The following KCTD2 variants were observed in gnomAD, a reference collection of about 807,000 sequenced individuals.
The protein encoded by KCTD2 is potassium channel tetramerization domain containing 2, also known as BTB/POZ domain-containing protein KCTD2.
KCTD2 carries 18 observed loss-of-function variants against 27.9 expected under a neutral mutation model. The observed-to-expected ratio is 0.64, with a 90% CI of 0.45 to 0.96. The LOEUF is 0.96. KCTD2 is among the 40% of genes least tolerant of loss of function. The pLI is 0.00. For synonymous variants in KCTD2, 175 were observed against 148.4 expected, an observed-to-expected ratio of 1.18 and a Z score of -1.30; for missense variants, 280 against 348.0, an observed-to-expected ratio of 0.80 and a Z score of 1.56.
upstream of KCTD2, among the ~76,000 whole-genome samples, chr17:75,043,326 TC>T: frequency 6.6e-6 from 1 of 152,166 alleles, no homozygotes; most frequent in South Asian, 2.1e-4. Context: ...AGCCCAGCTC[TC>T]TTGGCCGGGC....
At chr17:75,042,687 G>C (rs561954059), upstream of KCTD2, 189 of 1,582,860 alleles carry the variant, frequency 1.2e-4, no homozygotes, top group Non-Finnish European at 1.5e-4. Context: ...TAAAAACAAG[G>C]CTTTTTTATG....
At chr17:75,041,862 C>T (rs890114770) in intron 3 of KCTD2, 7 of 224,744 alleles carry the variant, frequency 3.1e-5, no homozygotes, top group Non-Finnish European at 6.1e-5. Context: ...ATGGTGACCT[C>T]CCAGGAGCGG....
chr17:75,040,589 A>G (rs1017603336), intron 3 of KCTD2: 12 of 182,354 alleles, frequency 6.6e-5, no homozygotes, highest in African/African-American at 2.1e-4. Flanking sequence ...TCTCCTTAGA[A>G]GACTGCTTAG....
intron 2 of KCTD2, among the ~76,000 whole-genome samples, chr17:75,050,916 G>A (rs1298574442): frequency 6.6e-6 from 1 of 150,966 alleles, no homozygotes; most frequent in African/African-American, 2.4e-5. Flanking sequence ...GGCCTCACAT[G>A]CTCCTCCTGC....
At position 75,047,563 on chromosome 17, in the gene KCTD2, G is replaced by C. The variant is rs375158100; in HGVS notation, c.313G>C (p.Glu105Gln). The C allele has an allele frequency of 2.5e-6, 4 of 1,610,788 alleles. No homozygotes were observed. The South Asian group carries it at 3.3e-5, about 13-fold the overall frequency. ...KSFLCRLCCQ[E>Q]DPELDSDKDE... ...ATTTCTCTGCCGCCTCTGCTGCCAGGAGGACCCGGAGCTGGACTCAGACAA... is the reference window on the plus strand; with the variant it reads ...ATTTCTCTGCCGCCTCTGCTGCCAGCAGGACCCGGAGCTGGACTCAGACAA... The change falls in exon 1 of 6, where the codon GAG becomes CAG. Residue 105 changes from glutamate to glutamine, a missense_variant. Glu to Gln is a conservative substitution (Grantham distance 29). Coordinates refer to ENST00000322444, the MANE Select transcript of KCTD2 (RefSeq NM_015353.3).
Position 75,061,546 on chromosome 17 carries a change from A to G in KCTD2, c.637-574A>G, listed in dbSNP as rs190328659. 1.5e-3 allele frequency among the ~76,000 whole-genome samples: 230 copies of G among 152,280 alleles called. 1 individual carries two copies. Among genetic ancestry groups the G allele is most frequent in the African/African-American group, 5.1e-3 (213 of 41,538 alleles). ...GTCCCTGTAGTCCCAGCTACTCAGG[A>G]GGCTGACGTGGGAGGATCACTTGAG... On this transcript the variant is annotated intron_variant, in intron 4 of 5. Coordinates refer to ENST00000322444, the MANE Select transcript of KCTD2 (RefSeq NM_015353.3).
chr17:75,041,007 TTG>T (rs1330134548), intron 3 of KCTD2: 1 of 152,070 alleles, frequency 6.6e-6, no homozygotes, highest in African/African-American at 2.4e-5. Flanking sequence ...ATATTGAGAC[TTG>T]TGTAAATATC....
In KCTD2 at chr17:75,033,209, T is replaced by TC. The variant is rs560120280; in HGVS notation, c.-470+491dup. On this transcript the variant is annotated intron_variant, in intron 1 of 7. Transcript: ENST00000581589. ...GTTTTGAACTCCTGGGCTCAAGCAATCCCCCCACCTCACCCTCCCAAAGTG... is the reference window on the plus strand; with the variant it reads ...GTTTTGAACTCCTGGGCTCAAGCAATCCCCCCCACCTCACCCTCCCAAAGTG... 2.0e-4 allele frequency: 30 copies of TC among 152,152 alleles called. No homozygotes were observed. The East Asian group carries it at 4.6e-3, about 24-fold the overall frequency. The allele number at this position is 152,152 out of a possible 1,614,324, so 9.4% of individuals were successfully genotyped here. A position where few individuals can be genotyped will look rare whatever the true frequency, so the allele number is the denominator to read the frequency against.
chr17:75,038,849 A>G (rs1313648114), intron 3 of KCTD2: 27 of 1,439,800 alleles, frequency 1.9e-5, no homozygotes, highest in Non-Finnish European at 2.5e-5. Context: ...ACAGAGAAGA[A>G]GCACACCCAG....
At chr17:75,049,424 C>T (rs1598121377) in intron 2 of KCTD2, 96 bp downstream of exon 2, 1 of 760,378 alleles carries the variant, frequency 1.3e-6, no homozygotes, top group Non-Finnish European at 2.2e-6. Context: ...TTTCATCAGG[C>T]GCATGTGCAG....
rs148545284 is a variant in KCTD2 at position 75,063,412 on chromosome 17, G to A, written c.*365G>A. ...AATGGCCTGTACTTTAAGGACGCTG[G>A]AGCCAAGAGGATTGTTCCCGTGCCG... On this transcript the variant is annotated 3_prime_UTR_variant, in exon 6 of 6. Transcript: ENST00000322444. 7.6e-4 allele frequency: 213 copies of A among 280,334 alleles called. 1 individual carries two copies. In the East Asian group the frequency reaches 0.015, roughly 19 times the overall value. The allele number at this position is 280,334 out of a possible 1,614,324, so 17.4% of individuals were successfully genotyped here.
intron 4 of KCTD2, among the ~76,000 whole-genome samples, chr17:75,061,296 C>T (rs1258478045): frequency 6.6e-6 from 1 of 152,136 alleles, no homozygotes; most frequent in African/African-American, 2.4e-5. Flanking sequence ...TGCTCCCCTG[C>T]GTGTGTATTT....
Position 75,047,282 on chromosome 17 carries a change from C to A in KCTD2, c.32C>A (p.Ala11Glu). MAELQLDPAM[A>E]GLGGGGGSGV... Reference sequence around the variant, plus strand: ...GAACTGCAGCTGGACCCGGCGATGGCGGGGCTGGGAGGGGGCGGCGGGAGT... The same window carrying A: ...GAACTGCAGCTGGACCCGGCGATGGAGGGGCTGGGAGGGGGCGGCGGGAGT... The change falls in exon 1 of 6, where the codon GCG (alanine) becomes GAG (glutamate). Residue 11 changes from alanine (A) to glutamate (E), a missense_variant. Coordinates refer to ENST00000322444, the MANE Select transcript of KCTD2 (RefSeq NM_015353.3). 1 of 842,834 alleles carries A rather than the reference C, an allele frequency of 1.2e-6. No individual in the cohort carries two copies. Among genetic ancestry groups the A allele is most frequent in the Non-Finnish European group, 1.4e-6 (1 of 699,012 alleles). 52.2% of individuals were successfully genotyped at this position (842,834 alleles called of 1,614,324 possible). A position where few individuals can be genotyped will look rare whatever the true frequency, so the allele number is the denominator to read the frequency against.
intron 4 of KCTD2, among the ~76,000 whole-genome samples, chr17:75,061,642 C>T (rs1473350197): frequency 2.0e-5 from 3 of 152,004 alleles, no homozygotes; most frequent in Non-Finnish European, 4.4e-5. Flanking sequence ...AGAGCTAGAC[C>T]CTGTCTGGAA....
chr17:75,053,651 C>G (rs1373618138), intron 3 of KCTD2, among the ~76,000 whole-genome samples: 2 of 152,050 alleles, frequency 1.3e-5, no homozygotes, highest in Non-Finnish European at 2.9e-5. Flanking sequence ...CCATGTTGGT[C>G]AGGCTGGTCT....
chr17:75,062,797 A>G (rs1052806354), intron 5 of KCTD2, among the ~76,000 whole-genome samples: 2 of 150,978 alleles, frequency 1.3e-5, no homozygotes, highest in Non-Finnish European at 2.9e-5. Context: ...TTCAGTTGGC[A>G]AAGCTTTGGT....
Position 75,059,516 on chromosome 17 carries a change from G to A in KCTD2, c.547G>A (p.Val183Met), listed in dbSNP as rs763240856. The A allele has an allele frequency of 1.1e-5, 17 of 1,611,974 alleles. No individual in the cohort carries two copies. The South Asian group carries it at 1.2e-4, about 11-fold the overall frequency. Residue 183 changes from valine (V) to methionine (M), a missense_variant, in exon 4 of 6, where the codon GTG becomes ATG. By Grantham distance (21) the Val-to-Met change is conservative (BLOSUM62 1). Transcript: ENST00000322444. ...DNENRTSQGP[V>M]KHVYRVLQCQ... ...CTGCGCCTGGTCATTGCAGGGCCCC[G>A]TGAAGCACGTGTACAGAGTCCTGCA...
chr17:75,040,885 CA>C (rs34981433), intron 3 of KCTD2: 2,686 of 76,922 alleles, frequency 0.035, 28 homozygotes, highest in Non-Finnish European at 0.048. Context: ...GACTCCGTCT[CA>C]AAAAAAAAAA....
In KCTD2 at chr17:75,064,637, CA is replaced by C. The variant is rs2073438984; in HGVS notation, c.*1591del. On this transcript the variant is annotated 3_prime_UTR_variant, in exon 6 of 6. Transcript: ENST00000322444. ...GTAGCATAGCATAGAACCCGGTATA[CA>C]GGGGTTTCTGCTGACACATCAACGT... 1 of 152,230 alleles carries C rather than the reference CA, an allele frequency of 6.6e-6. No individual in the cohort carries two copies. The highest frequency in any genetic ancestry group is 2.4e-5 in the African/African-American group (1 of 41,450). The allele number at this position is 152,230 out of a possible 1,614,324, so 9.4% of individuals were successfully genotyped here.
Sources: allele counts gnomAD v4.1 joint callset (sites outside exome capture counted in the v4.1 genomes callset), GRCh38; gene constraint gnomAD v4.1.1; transcripts MANE v1.5; gene names NCBI Gene and HGNC (gene_info 2026-07-23, HGNC 2026-07-21).